FRK: variants seen among roughly 807,000 people sequenced by gnomAD.
FRK encodes fyn related Src family tyrosine kinase.
In FRK, 51 loss-of-function variants were observed where a neutral mutation model predicts 56.4. The ratio of observed to expected loss-of-function variants is 0.90; its 90% CI spans 0.72 to 1.14. The LOEUF is 1.14. Among genes scored for constraint, FRK ranks in the 50% most tolerant of loss-of-function variants. FRK has a pLI of 0.00. For synonymous variants in FRK, 245 were observed against 217.9 expected (o/e 1.12, Z -1.10); for missense variants, 570 against 601.4 (o/e 0.95, Z 0.55).
Position 116,018,035 on chromosome 6 carries a change from T to A in FRK, c.345-14037A>T, listed in dbSNP as rs549088192. Among the ~76,000 whole-genome samples, 77 of 152,364 alleles carry A rather than the reference T, an allele frequency of 5.1e-4. 2 individuals are homozygous for A. The highest frequency in any genetic ancestry group is 6.8e-3 in the Middle Eastern group (2 of 294). ...AACAGATACCAGAAATTTCTGTTCA[T>A]TGAAATTTAATGTCCTTTCTGCTGA... On this transcript the variant is annotated intron_variant, in intron 1 of 7. Transcript: ENST00000606080.
At chr6:116,031,584 T>C (rs563549780) in intron 1 of FRK, among the ~76,000 whole-genome samples, 18 of 152,208 alleles carry the variant, frequency 1.2e-4, no homozygotes, top group African/African-American at 4.3e-4. Context: ...AAACTCCACA[T>C]CACCCCAATT....
At chr6:116,031,527 C>A (rs1776304332) in intron 1 of FRK, among the ~76,000 whole-genome samples, 3 of 152,018 alleles carry the variant, frequency 2.0e-5, no homozygotes, top group Admixed American at 1.3e-4. Context: ...ATTTGGATGG[C>A]AGAGAAATGA....
chr6:116,016,222 C>T (rs370675519), intron 1 of FRK, among the ~76,000 whole-genome samples: 2 of 152,192 alleles, frequency 1.3e-5, no homozygotes, highest in Admixed American at 6.5e-5. Context: ...GACTTGGTGC[C>T]CTATGTCTCA....
At chr6:115,958,389 G>T (rs1489259588) in intron 4 of FRK, among the ~76,000 whole-genome samples, 2 of 152,092 alleles carry the variant, frequency 1.3e-5, no homozygotes, top group African/African-American at 4.8e-5. Flanking sequence ...AACTTTGGGA[G>T]GCCAAGGCAG....
chr6:115,982,586 T>G (rs1774239715), intron 2 of FRK, among the ~76,000 whole-genome samples: 1 of 152,140 alleles, frequency 6.6e-6, no homozygotes, highest in African/African-American at 2.4e-5. Flanking sequence ...CAGCCTGCAC[T>G]TTGAAGGCTG....
At chr6:116,027,040 C>T (rs752631746) in intron 1 of FRK, among the ~76,000 whole-genome samples, 10 of 152,108 alleles carry the variant, frequency 6.6e-5, no homozygotes, top group African/African-American at 9.7e-5. Context: ...GCCTGTGGGC[C>T]ATCCTAAACT....
intron 1 of FRK, among the ~76,000 whole-genome samples, chr6:116,041,779 A>C (rs1776724185): frequency 6.6e-6 from 1 of 152,174 alleles, no homozygotes; most frequent in South Asian, 2.1e-4. Context: ...TTGGGTGCCA[A>C]TGCCACCAGG....
intron 2 of FRK, among the ~76,000 whole-genome samples, chr6:115,979,427 T>C (rs1382018787): frequency 6.6e-6 from 1 of 152,140 alleles, no homozygotes; most frequent in East Asian, 1.9e-4. Context: ...AATGTGTTTG[T>C]TTTACACTGT....
chr6:115,970,277 TCTA>T (rs2114608507), intron 2 of FRK, among the ~76,000 whole-genome samples: 1 of 152,310 alleles, frequency 6.6e-6, no homozygotes, highest in South Asian at 2.1e-4. Context: ...TTTTTCCTTA[TCTA>T]CTAGAGTTGA....
At chr6:115,976,284 C>G (rs1773988359) in intron 2 of FRK, among the ~76,000 whole-genome samples, 1 of 152,102 alleles carries the variant, frequency 6.6e-6, no homozygotes, top group South Asian at 2.1e-4. Context: ...TTTCAAAGAA[C>G]TCTGCCCCAA....
chr6:116,072,571 C>A, the FRK span, among the ~76,000 whole-genome samples: 1 of 131,854 alleles, frequency 7.6e-6, no homozygotes, highest in Non-Finnish European at 1.6e-5. Context: ...ACACAAGATA[C>A]CTTTCAGAGG....
the FRK span, among the ~76,000 whole-genome samples, chr6:116,069,136 A>G: frequency 6.6e-6 from 1 of 152,226 alleles, no homozygotes; most frequent in African/African-American, 2.4e-5. Flanking sequence ...TAGCAGCAAC[A>G]TTATTTTAGC....
intron 6 of FRK, among the ~76,000 whole-genome samples, chr6:115,943,989 A>G (rs553829210): frequency 5.4e-4 from 82 of 152,334 alleles, no homozygotes; most frequent in Middle Eastern, 3.4e-3. Flanking sequence ...ACTGAAAAAT[A>G]GATCATTAAT....
At chr6:116,001,174 G>A (rs751438743) in intron 2 of FRK, among the ~76,000 whole-genome samples, 19 of 151,596 alleles carry the variant, frequency 1.3e-4, no homozygotes, top group Non-Finnish European at 2.7e-4. Context: ...GAAGGGAGAG[G>A]TTGCAGTGAG....
intron 1 of FRK, among the ~76,000 whole-genome samples, chr6:116,057,552 G>A (rs1419390450): frequency 6.6e-6 from 1 of 152,152 alleles, no homozygotes; most frequent in Non-Finnish European, 1.5e-5. Flanking sequence ...ACCATGGTGT[G>A]CACTTAAAAG....
chr6:115,985,751 G>A (rs1302091857), intron 2 of FRK, among the ~76,000 whole-genome samples: 2 of 151,942 alleles, frequency 1.3e-5, no homozygotes, highest in East Asian at 1.9e-4. Flanking sequence ...AACCAATAAC[G>A]TAGACAGGAC....
At chr6:115,980,732 A>G (rs1371372060) in intron 2 of FRK, among the ~76,000 whole-genome samples, 1 of 152,160 alleles carries the variant, frequency 6.6e-6, no homozygotes, top group Non-Finnish European at 1.5e-5. Flanking sequence ...ATGATACTTG[A>G]TATTCTTTCC....
intron 2 of FRK, among the ~76,000 whole-genome samples, chr6:115,988,663 G>C (rs756590068): frequency 7.2e-5 from 11 of 151,962 alleles, no homozygotes; most frequent in Non-Finnish European, 1.5e-4. Flanking sequence ...TAAATTAAGA[G>C]TATGGAGGGA....
chr6:115,976,183 T>G (rs1386832257), intron 2 of FRK, among the ~76,000 whole-genome samples: 3 of 152,082 alleles, frequency 2.0e-5, no homozygotes, highest in Admixed American at 6.6e-5. Flanking sequence ...TTCATAAAAC[T>G]TCAGTAATTT....
Sources: gnomAD v4.1 joint callset for allele counts (sites outside exome capture counted in the v4.1 genomes callset) on GRCh38, gnomAD v4.1.1 for gene constraint, MANE v1.5 for transcripts, NCBI Gene and HGNC (gene_info 2026-07-23, HGNC 2026-07-21) for gene names.